The following NDST3 variants were observed in gnomAD, a reference collection of about 807,000 sequenced individuals.
NDST3 encodes bifunctional heparan sulfate N-deacetylase/N-sulfotransferase 3.
In NDST3, 58 loss-of-function variants were observed where a neutral mutation model predicts 96.1. The observed-to-expected ratio is 0.60, with a 90% CI of 0.49 to 0.75. The LOEUF (loss-of-function observed/expected upper bound fraction) is 0.75. Ranked by LOEUF, NDST3 falls within the 30% of genes least tolerant of loss-of-function variation. NDST3 has a pLI of 0.00. For synonymous variants in NDST3, 333 were observed against 359.7 expected, an observed-to-expected ratio of 0.93 and a Z score of 0.84; for missense variants, 788 against 1,034.2, an observed-to-expected ratio of 0.76 and a Z score of 3.27.
At chr4:118,194,295 A>G in intron 6 of NDST3, 1 of 732,502 alleles carries the variant, frequency 1.4e-6, no homozygotes, top group Non-Finnish European at 2.5e-6. Flanking sequence ...CAAGTCTGTA[A>G]TTCTGTAGAT....
chr4:118,199,099 G>C (rs1560712907), intron 6 of NDST3, among the ~76,000 whole-genome samples: 1 of 151,928 alleles, frequency 6.6e-6, no homozygotes, highest in Admixed American at 6.6e-5. Context: ...TCTTTCTCTA[G>C]GTTTAGGAAG....
chr4:118,081,147 T>C (rs1237497398), intron 2 of NDST3, among the ~76,000 whole-genome samples: 2 of 152,132 alleles, frequency 1.3e-5, no homozygotes, highest in African/African-American at 4.8e-5. Context: ...TAAATGAGTT[T>C]TGTGATGTGA....
chr4:118,219,189 G>A (rs914225006), intron 6 of NDST3, among the ~76,000 whole-genome samples: 1 of 151,638 alleles, frequency 6.6e-6, no homozygotes, highest in African/African-American at 2.4e-5. Flanking sequence ...AAAAAGAAAT[G>A]AATTAAAATT....
chr4:118,055,627 T>C (rs1462917033), intron 2 of NDST3: 1 of 151,996 alleles, frequency 6.6e-6, no homozygotes, highest in Non-Finnish European at 1.5e-5. Context: ...TTGTTTACTA[T>C]TAAAAAATTT....
chr4:118,232,557 A>G (rs1740371323), intron 8 of NDST3, among the ~76,000 whole-genome samples: 1 of 151,918 alleles, frequency 6.6e-6, no homozygotes, highest in South Asian at 2.1e-4. Context: ...GGAGGATCCC[A>G]CGAGCCTGGT....
rs1253982266 is a variant in NDST3 at position 118,257,651 on chromosome 4, A to C, written c.*1939A>C. 4 of 152,174 alleles carry C rather than the reference A, an allele frequency of 2.6e-5. No individual in the cohort carries two copies. The highest frequency in any genetic ancestry group is 5.9e-5 in the Non-Finnish European group (4 of 68,028). The allele number at this position is 152,174 out of a possible 1,614,324, so 9.4% of individuals were successfully genotyped here. On this transcript the variant is annotated 3_prime_UTR_variant, in exon 14 of 14. Transcript: ENST00000296499. ...GAATTGTGAGATCCACTTACTATAA[A>C]TTTTTAACTGTACATTATAATTACT...
intron 8 of NDST3, among the ~76,000 whole-genome samples, chr4:118,228,793 TAC>T (rs952001567): frequency 3.2e-4 from 48 of 152,168 alleles, no homozygotes; most frequent in Non-Finnish European, 6.3e-4. Flanking sequence ...TTTGTACCAC[TAC>T]AGTTTTGCCT....
chr4:118,040,865 T>A (rs1467756328), intron 1 of NDST3, among the ~76,000 whole-genome samples: 6 of 28,742 alleles, frequency 2.1e-4, no homozygotes, highest in East Asian at 5.6e-3. Flanking sequence ...ATTTATATAT[T>A]TTTATATATA....
At chr4:118,072,395 T>C (rs1411430700) in intron 2 of NDST3, among the ~76,000 whole-genome samples, 1 of 152,116 alleles carries the variant, frequency 6.6e-6, no homozygotes, top group Non-Finnish European at 1.5e-5. Flanking sequence ...GTGTTGTTTT[T>C]GGTTTCTTTC....
chr4:118,138,784 G>A (rs917307638), intron 5 of NDST3, among the ~76,000 whole-genome samples: 3 of 151,980 alleles, frequency 2.0e-5, no homozygotes, highest in Non-Finnish European at 4.4e-5. Flanking sequence ...TTCTATCCTG[G>A]GCTTCTCTGT....
At chr4:118,093,339 C>A (rs754659618) in intron 2 of NDST3, among the ~76,000 whole-genome samples, 6 of 151,816 alleles carry the variant, frequency 4.0e-5, no homozygotes, top group Admixed American at 1.3e-4. Flanking sequence ...ATTTGATTAT[C>A]CCAGCAACTG....
At chr4:118,198,863 C>T (rs2125976620) in intron 6 of NDST3, among the ~76,000 whole-genome samples, 1 of 152,204 alleles carries the variant, frequency 6.6e-6, no homozygotes, top group East Asian at 1.9e-4. Flanking sequence ...CCCTTCAGCA[C>T]TTTAAATATT....
In NDST3 at chr4:118,134,770, C is replaced by T. The variant is rs7669618; in HGVS notation, c.1225-3284C>T. On this transcript the variant is annotated intron_variant, in intron 4 of 13. Coordinates refer to ENST00000296499, the MANE Select transcript of NDST3 (RefSeq NM_004784.3). ...ACTTGTGATCCAAATACTTCATTTA[C>T]GTTTTATAGTTACATAGCCAGATTC... Among the ~76,000 whole-genome samples, 724 of 152,236 alleles carry T rather than the reference C, an allele frequency of 4.8e-3. 6 individuals are homozygous for T. Among genetic ancestry groups the T allele is most frequent in the African/African-American group, 0.017 (689 of 41,536 alleles).
intron 6 of NDST3, among the ~76,000 whole-genome samples, chr4:118,205,832 CTTT>C (rs56843725): frequency 1.6e-4 from 15 of 95,448 alleles, no homozygotes; most frequent in Admixed American, 2.3e-4. Flanking sequence ...ATCGGGCTTT[CTTT>C]TTTTTTTTTT....
intron 6 of NDST3, among the ~76,000 whole-genome samples, chr4:118,184,974 T>G (rs2125956843): frequency 6.6e-6 from 1 of 152,298 alleles, no homozygotes; most frequent in Non-Finnish European, 1.5e-5. Context: ...CACAAATGAA[T>G]AAGACTTTCT....
At chr4:118,169,634 A>G in intron 6 of NDST3, among the ~76,000 whole-genome samples, 1 of 152,072 alleles carries the variant, frequency 6.6e-6, no homozygotes, top group South Asian at 2.1e-4. Flanking sequence ...TCTTTACTAA[A>G]AATAAAAGAA....
chr4:118,084,980 C>T (rs35210682), intron 2 of NDST3, among the ~76,000 whole-genome samples: 5,700 of 152,062 alleles, frequency 0.037, 132 homozygotes, highest in Non-Finnish European at 0.06. Flanking sequence ...CAAAATTAGC[C>T]GGGCATGGTG....
intron 6 of NDST3, among the ~76,000 whole-genome samples, chr4:118,162,757 A>C (rs1041686501): frequency 1.4e-5 from 2 of 147,856 alleles, no homozygotes; most frequent in East Asian, 3.9e-4. Context: ...AATGGGATCT[A>C]ATTAAACTAA....
At chr4:118,137,307 G>C (rs1355104823) in intron 4 of NDST3, among the ~76,000 whole-genome samples, 1 of 151,030 alleles carries the variant, frequency 6.6e-6, no homozygotes, top group Non-Finnish European at 1.5e-5. Context: ...ATTTCTAAAA[G>C]ACACGTTTCA....
Sources: allele counts gnomAD v4.1 joint callset (sites outside exome capture counted in the v4.1 genomes callset), GRCh38; gene constraint gnomAD v4.1.1; transcripts MANE v1.5; gene names NCBI Gene and HGNC (gene_info 2026-07-23, HGNC 2026-07-21).